The following NTM variants were observed in gnomAD, a reference collection of about 807,000 sequenced individuals.
NTM encodes the protein neurotrimin, also known as IgLON family member 2.
In NTM, 13 loss-of-function variants were observed where a neutral mutation model predicts 42.1. The ratio of observed to expected loss-of-function variants is 0.31; its 90% CI spans 0.20 to 0.49. The LOEUF (loss-of-function observed/expected upper bound fraction) is 0.49. Among genes scored for constraint, NTM ranks in the 20% least tolerant of loss-of-function variants. The pLI, the probability that NTM is intolerant of heterozygous loss-of-function variation, is 0.99. For missense variants in NTM, 373 were observed against 452.8 expected (o/e 0.82, Z 1.60); for synonymous variants, 187 against 179.2 (o/e 1.04, Z -0.35).
intron 4 of NTM, among the ~76,000 whole-genome samples, chr11:132,244,966 T>G (rs2090861212): frequency 6.6e-6 from 1 of 152,244 alleles, no homozygotes; most frequent in Non-Finnish European, 1.5e-5. Flanking sequence ...TTTGCGCCCG[T>G]GTTTTCTCAG....
At chr11:131,939,316 A>G (rs113108822) in intron 2 of NTM, among the ~76,000 whole-genome samples, 148 of 152,264 alleles carry the variant, frequency 9.7e-4, no homozygotes, top group Admixed American at 4.4e-3. Context: ...TGCTGCCACA[A>G]CCAGGAGTTC....
chr11:131,656,715 C>T (rs149232910), intron 1 of NTM, among the ~76,000 whole-genome samples: 16 of 152,216 alleles, frequency 1.1e-4, no homozygotes, highest in African/African-American at 2.2e-4. Flanking sequence ...TGCCCCTGCG[C>T]GCTGAGCTCT....
rs1019394630 is a variant in NTM at position 131,515,630 on chromosome 11, T to C, written c.82+144742T>C. ...TCTGCTGGTGCTAGGGACATTATTT[T>C]AGGGATGTGTGATTCTGGCCTTGGA... On this transcript the variant is annotated intron_variant, in intron 1 of 8. Transcript: ENST00000683400. Among the ~76,000 whole-genome samples, 48 of 152,220 alleles carry C rather than the reference T, an allele frequency of 3.2e-4. 1 individual carries two copies. Among genetic ancestry groups the C allele is most frequent in the Admixed American group, 2.9e-3 (45 of 15,288 alleles).
chr11:131,915,254 A>T (rs1462879105), intron 2 of NTM, among the ~76,000 whole-genome samples: 1 of 152,210 alleles, frequency 6.6e-6, no homozygotes, highest in African/African-American at 2.4e-5. Flanking sequence ...CAAGCTTCCC[A>T]GGACTATTCA....
chr11:132,077,460 C>G (rs2058512971), intron 2 of NTM, among the ~76,000 whole-genome samples: 2 of 152,184 alleles, frequency 1.3e-5, no homozygotes, highest in Non-Finnish European at 2.9e-5. Flanking sequence ...TTGCTGAGCC[C>G]TTAGAAGCCA....
Position 132,315,520 on chromosome 11 carries a change from T to G in NTM, c.934+817T>G, listed in dbSNP as rs534133283. 6.6e-5 allele frequency among the ~76,000 whole-genome samples: 10 copies of G among 152,278 alleles called. No homozygotes were observed. The South Asian group carries it at 2.1e-3, about 32-fold the overall frequency. ...CCCATCAAGTTCTTTGAGCTTGAGA[T>G]TTTTCAAACCTGTCTCCCCAATCCC... On this transcript the variant is annotated intron_variant, in intron 7 of 8. Transcript: ENST00000683400.
At chr11:132,207,401 A>T (rs1404401490) in intron 3 of NTM, among the ~76,000 whole-genome samples, 2 of 152,120 alleles carry the variant, frequency 1.3e-5, no homozygotes, top group Admixed American at 6.5e-5. Flanking sequence ...TCACCCCCAG[A>T]TGGGACCCCC....
At chr11:131,437,542 C>T (rs1470676929) in intron 1 of NTM, among the ~76,000 whole-genome samples, 1 of 151,728 alleles carries the variant, frequency 6.6e-6, no homozygotes, top group African/African-American at 2.4e-5. Context: ...TATGTAATGG[C>T]CTTCTTTGTC....
intron 1 of NTM, among the ~76,000 whole-genome samples, chr11:131,398,094 A>G (rs1439557885): frequency 6.6e-6 from 1 of 152,180 alleles, no homozygotes; most frequent in East Asian, 1.9e-4. Context: ...ACTTTCCCCT[A>G]TTAGTGGATT....
chr11:132,148,871 T>TG (rs2137385741), intron 3 of NTM, among the ~76,000 whole-genome samples: 1 of 152,240 alleles, frequency 6.6e-6, no homozygotes, highest in South Asian at 2.1e-4. Context: ...TCCAAGCTAA[T>TG]GGAAAATGTC....
At chr11:131,661,105 C>T in intron 1 of NTM, 1 of 1,225,862 alleles carries the variant, frequency 8.2e-7, no homozygotes, top group Non-Finnish European at 1.1e-6. Context: ...GGTCTTCCCC[C>T]TAGATTCGGT....
intron 2 of NTM, among the ~76,000 whole-genome samples, chr11:132,015,421 CTG>C (rs1342599724): frequency 1.3e-5 from 2 of 151,334 alleles, no homozygotes; most frequent in Non-Finnish European, 3.0e-5. Context: ...TTTTCTATTT[CTG>C]TGAAAAATGC....
chr11:131,866,220 C>A (rs970569532), intron 1 of NTM, among the ~76,000 whole-genome samples: 1 of 152,240 alleles, frequency 6.6e-6, no homozygotes, highest in African/African-American at 2.4e-5. Flanking sequence ...CACATGCATG[C>A]GTTGGCAGGT....
chr11:132,067,414 A>G (rs1297893913), intron 2 of NTM, among the ~76,000 whole-genome samples: 1 of 152,228 alleles, frequency 6.6e-6, no homozygotes, highest in African/African-American at 2.4e-5. Context: ...CCTAAGTGTC[A>G]TCAGCCCCAA....
rs2060806260 is a variant in NTM at position 131,950,061 on chromosome 11, C to T, written c.167+38413C>T. On this transcript the variant is annotated intron_variant, in intron 2 of 8. Transcript: ENST00000683400. ...CCATATTCAGTGAATATTTCTTGAA[C>T]ATTATTGGTGGATTGACTTTGTTTC... is the stretch of plus-strand genomic sequence containing the variant. Among the ~76,000 whole-genome samples, 3 of 152,160 alleles carry T rather than the reference C, an allele frequency of 2.0e-5. No homozygotes were observed. In the South Asian group the frequency reaches 6.2e-4, roughly 32 times the overall value.
At chr11:131,480,657 G>A (rs1400020932) in intron 1 of NTM, among the ~76,000 whole-genome samples, 3 of 152,302 alleles carry the variant, frequency 2.0e-5, no homozygotes, top group Non-Finnish European at 2.9e-5. Context: ...AAATAGCAGT[G>A]AGCCTCCAAA....
At chr11:131,592,028 C>T (rs1228429252) in intron 1 of NTM, among the ~76,000 whole-genome samples, 1 of 152,184 alleles carries the variant, frequency 6.6e-6, no homozygotes, top group Admixed American at 6.5e-5. Flanking sequence ...ACTTTTGCCC[C>T]TGGTTGGATA....
chr11:131,543,220 T>C (rs1206926200), intron 1 of NTM, among the ~76,000 whole-genome samples: 15 of 152,204 alleles, frequency 9.9e-5, no homozygotes, highest in Admixed American at 9.8e-4. Context: ...AATCTTCTTT[T>C]CTAGCTAACA....
At chr11:132,067,707 A>C (rs886201404) in intron 2 of NTM, among the ~76,000 whole-genome samples, 1 of 152,188 alleles carries the variant, frequency 6.6e-6, no homozygotes, top group African/African-American at 2.4e-5. Flanking sequence ...CCTGAGGCTA[A>C]TTTCACTGCC....
Sources: allele counts gnomAD v4.1 joint callset (sites outside exome capture counted in the v4.1 genomes callset), GRCh38; gene constraint gnomAD v4.1.1; transcripts MANE v1.5; gene names NCBI Gene and HGNC (gene_info 2026-07-23, HGNC 2026-07-21).